Variants in MEIS1 observed in about 807,000 individuals in gnomAD.
The protein encoded by MEIS1 is homeobox protein Meis1.
MEIS1 carries 5 observed loss-of-function variants against 50.8 expected under a neutral mutation model. The ratio of observed to expected loss-of-function variants is 0.10; its 90% CI spans 0.05 to 0.21. MEIS1 has a LOEUF of 0.21. MEIS1 is among the 10% of genes least tolerant of loss of function. MEIS1 has a pLI of 1.00. For missense variants in MEIS1, 318 were observed against 517.3 expected (o/e 0.61, Z 3.74); for synonymous variants, 176 against 179.3 (o/e 0.98, Z 0.15).
chr2:66,527,591 AGTGTGTGTGT>A lies in MEIS1; in HGVS notation c.888+15338_888+15347del, dbSNP rs71409176. Among the ~76,000 whole-genome samples, 529 of 124,462 alleles carry A rather than the reference AGTGTGTGTGT, an allele frequency of 4.3e-3. 2 individuals carry two copies. The highest frequency in any genetic ancestry group is 9.3e-3 in the African/African-American group (296 of 31,942). 81.7% of individuals were successfully genotyped at this position (124,462 alleles called of 152,430 possible). A position where few individuals can be genotyped will look rare whatever the true frequency, so the allele number is the denominator to read the frequency against. On this transcript the variant is annotated intron_variant, in intron 8 of 12. Transcript: ENST00000272369. ...TGATACCTGTATTGCAGTAAAAGCA[AGTGTGTGTGT>A]GTGTGTGTGTGTGTGTGTGTGTGTG... is the stretch of plus-strand genomic sequence containing the variant.
intron 7 of MEIS1, among the ~76,000 whole-genome samples, chr2:66,478,160 G>A (rs1672937580): frequency 6.6e-6 from 1 of 152,128 alleles, no homozygotes; most frequent in African/African-American, 2.4e-5. Flanking sequence ...AGAAGAATTA[G>A]CTTTACTTTG....
chr2:66,548,115 C>T lies in MEIS1; in HGVS notation c.965+96C>T, dbSNP rs569004858. 4 of 1,141,672 alleles carry T rather than the reference C, an allele frequency of 3.5e-6. No homozygotes were observed. In the South Asian group the frequency reaches 5.4e-5, roughly 15 times the overall value. 70.7% of individuals were successfully genotyped at this position (1,141,672 alleles called of 1,614,324 possible). The stretch of plus-strand genomic sequence containing the variant: ...ATTAAGAAGACACACCCAGTTGCCA[C>T]TGCTTTCCCTGGTGGCTTGTTGATT... On this transcript the variant is annotated intron_variant, in intron 9 of 12. Transcript: ENST00000272369.
chr2:66,536,933 G>C (rs1279448599), intron 8 of MEIS1, among the ~76,000 whole-genome samples: 3 of 152,124 alleles, frequency 2.0e-5, no homozygotes, highest in Non-Finnish European at 4.4e-5. Context: ...GCTTTACAAA[G>C]GGGGGAAATC....
chr2:66,467,865 G>T (rs963267395), intron 7 of MEIS1, among the ~76,000 whole-genome samples: 1 of 152,120 alleles, frequency 6.6e-6, no homozygotes, highest in African/African-American at 2.4e-5. Context: ...AAGAGGGAGG[G>T]CCTCACATCT....
intron 7 of MEIS1, among the ~76,000 whole-genome samples, chr2:66,496,755 G>A (rs1673414660): frequency 6.6e-6 from 1 of 151,900 alleles, no homozygotes; most frequent in South Asian, 2.1e-4. Flanking sequence ...CCTTACATGA[G>A]GTTTTTCTGT....
At chr2:66,535,308 A>G (rs1351331398) in intron 8 of MEIS1, among the ~76,000 whole-genome samples, 1 of 152,130 alleles carries the variant, frequency 6.6e-6, no homozygotes, top group East Asian at 1.9e-4. Context: ...CAAACTTGGC[A>G]AAATATAATA....
intron 9 of MEIS1, among the ~76,000 whole-genome samples, chr2:66,556,132 A>G (rs954109274): frequency 6.6e-6 from 1 of 152,220 alleles, no homozygotes; most frequent in Admixed American, 6.5e-5. Context: ...CAATGCCCTC[A>G]TAAATCATTA....
chr2:66,450,903 C>G (rs1409363180), intron 6 of MEIS1, among the ~76,000 whole-genome samples: 1 of 152,068 alleles, frequency 6.6e-6, no homozygotes, highest in Non-Finnish European at 1.5e-5. Context: ...AACTATATCT[C>G]TTTCTTTTTC....
intron 8 of MEIS1, among the ~76,000 whole-genome samples, chr2:66,527,591 AGT>A (rs71409176): frequency 0.18 from 22,923 of 124,146 alleles, 1,565 homozygotes; most frequent in East Asian, 0.26. Flanking sequence ...AGTAAAAGCA[AGT>A]GTGTGTGTGT....
chr2:66,540,584 C>T (rs1674627288), intron 8 of MEIS1, among the ~76,000 whole-genome samples: 1 of 152,174 alleles, frequency 6.6e-6, no homozygotes, highest in South Asian at 2.1e-4. Flanking sequence ...AGGTGTGAGC[C>T]ACTGCTCCCA....
At chr2:66,464,879 A>G (rs1672598642) in intron 7 of MEIS1, among the ~76,000 whole-genome samples, 3 of 152,242 alleles carry the variant, frequency 2.0e-5, no homozygotes, top group Non-Finnish European at 4.4e-5. Context: ...AAGTTTAAAC[A>G]TCAAGCTAGT....
At chr2:66,559,708 A>G (rs1367047865) in intron 9 of MEIS1, among the ~76,000 whole-genome samples, 1 of 152,146 alleles carries the variant, frequency 6.6e-6, no homozygotes, top group Non-Finnish European at 1.5e-5. Flanking sequence ...TTAAATCTAT[A>G]TTCTAAACCA....
intron 6 of MEIS1, among the ~76,000 whole-genome samples, chr2:66,456,455 A>T (rs2103725906): frequency 6.6e-6 from 1 of 152,330 alleles, no homozygotes. Context: ...AATGGCAAAT[A>T]TGACAGGGCT....
At chr2:66,545,039 C>G (rs1308623465) in intron 8 of MEIS1, among the ~76,000 whole-genome samples, 1 of 152,108 alleles carries the variant, frequency 6.6e-6, no homozygotes, top group African/African-American at 2.4e-5. Flanking sequence ...TGCAAAAGTA[C>G]TCTTGAAAAT....
rs765098724 is a variant in MEIS1, at chr2:66,477,684, G to C, written c.742+13464G>C. 2.0e-4 allele frequency among the ~76,000 whole-genome samples: 30 copies of C among 152,158 alleles called. 1 individual carries two copies. Among genetic ancestry groups the C allele is most frequent in the Non-Finnish European group, 3.7e-4 (25 of 68,028 alleles). On this transcript the variant is annotated intron_variant, in intron 7 of 12. Coordinates refer to ENST00000272369, the MANE Select transcript of MEIS1 (RefSeq NM_002398.3). ...CATCAGTTTACTGCTCTGAAAATGA[G>C]GTGACTTCCCCCTTTGCTTGACAAC...
At position 66,571,652 on chromosome 2, in the gene MEIS1, G is replaced by C; in HGVS notation, c.*444G>C. 2 of 1,184,976 alleles carry C rather than the reference G, an allele frequency of 1.7e-6. No homozygotes were observed. The highest frequency in any genetic ancestry group is 5.1e-5 in the East Asian group (2 of 38,918). The allele number at this position is 1,184,976 out of a possible 1,614,324, so 73.4% of individuals were successfully genotyped here. On this transcript the variant is annotated 3_prime_UTR_variant, in exon 13 of 13. Transcript: ENST00000272369. ...CAAGGAGCATCCCTAATTCTTCATAGGGACCTTTAAAAAGCAGGAAATACC... is the reference window on the plus strand; with the variant it reads ...CAAGGAGCATCCCTAATTCTTCATACGGACCTTTAAAAAGCAGGAAATACC...
At chr2:66,505,265 G>A (rs1267299337) in intron 7 of MEIS1, among the ~76,000 whole-genome samples, 2 of 152,116 alleles carry the variant, frequency 1.3e-5, no homozygotes, top group Non-Finnish European at 2.9e-5. Flanking sequence ...AAATTAGCTG[G>A]TGTGGTGCCA....
At chr2:66,473,833 C>T (rs1376771096) in intron 7 of MEIS1, among the ~76,000 whole-genome samples, 2 of 152,068 alleles carry the variant, frequency 1.3e-5, no homozygotes, top group African/African-American at 4.8e-5. Context: ...CTTGGTATCC[C>T]CCAGGGATTG....
chr2:66,522,277 T>C (rs1345952047), intron 8 of MEIS1, among the ~76,000 whole-genome samples: 1 of 152,134 alleles, frequency 6.6e-6, no homozygotes, highest in African/African-American at 2.4e-5. Flanking sequence ...GCAGAAAGGG[T>C]AAAGAATGGA....
Sources: gnomAD v4.1 joint callset for allele counts (sites outside exome capture counted in the v4.1 genomes callset) on GRCh38, gnomAD v4.1.1 for gene constraint, MANE v1.5 for transcripts, NCBI Gene and HGNC (gene_info 2026-07-23, HGNC 2026-07-21) for gene names.